UNC79: variants seen among roughly 807,000 people sequenced by gnomAD.
The protein encoded by UNC79 is unc-79 subunit of NALCN channel complex, also known as protein unc-79 homolog.
Under a neutral mutation model 283.1 loss-of-function variants are expected in UNC79, and 37 were observed. That is an observed-to-expected ratio of 0.13 (90% CI 0.10 to 0.17). The LOEUF (loss-of-function observed/expected upper bound fraction) is 0.17, where lower values mean the gene tolerates loss of function less well. UNC79 is among the 10% of genes least tolerant of loss of function. UNC79 has a pLI of 1.00. For synonymous variants in UNC79, 1,107 were observed against 1,200.2 expected (o/e 0.92, Z 1.61); for missense variants, 2,272 against 3,211.1 (o/e 0.71, Z 7.07).
chr14:93,387,371 T>C (rs2054799662), intron 1 of UNC79, among the ~76,000 whole-genome samples: 1 of 152,168 alleles, frequency 6.6e-6, no homozygotes, highest in Non-Finnish European at 1.5e-5. Flanking sequence ...AATGTAAACA[T>C]GTATAGTTAT....
intron 22 of UNC79, among the ~76,000 whole-genome samples, chr14:93,591,140 A>G (rs565883668): frequency 1.3e-5 from 2 of 152,330 alleles, no homozygotes; most frequent in Admixed American, 1.3e-4. Context: ...TGGCATTTAA[A>G]AAATCACTCC....
intron 7 of UNC79, among the ~76,000 whole-genome samples, chr14:93,517,964 G>A (rs73345868): frequency 0.012 from 1,841 of 151,274 alleles, 34 homozygotes; most frequent in African/African-American, 0.042. Context: ...GCATTCTTGG[G>A]ATGAACTCAT....
At chr14:93,634,486 A>G in intron 31 of UNC79, 35 bp from the exon 34 acceptor site, 1 of 1,480,558 alleles carries the variant, frequency 6.8e-7, no homozygotes, top group Non-Finnish European at 9.4e-7. Context: ...GTGGAAATTT[A>G]TTATTATAAT....
rs543210504 is a variant in UNC79, at chr14:93,366,453, T to C, written c.-351+32930T>C. On this transcript the variant is annotated intron_variant, in intron 1 of 49. Transcript: ENST00000256339. ...CTATGGATGTGGGAAAACTCAAGTC[T>C]TGCTAAGCTTTTATTATTTTATATA... is the stretch of plus-strand genomic sequence containing the variant. Among the ~76,000 whole-genome samples the C allele has an allele frequency of 7.2e-5, 11 of 152,328 alleles. No individual in the cohort carries two copies. In the East Asian group the frequency reaches 2.1e-3, roughly 29 times the overall value.
At chr14:93,638,472 C>T (rs971915507) in intron 32 of UNC79, among the ~76,000 whole-genome samples, 11 of 152,190 alleles carry the variant, frequency 7.2e-5, no homozygotes, top group Non-Finnish European at 1.2e-4. Context: ...AAGTCAGTCT[C>T]TTTCATGGTA....
At chr14:93,595,682 C>T (rs1004035657) in intron 23 of UNC79, among the ~76,000 whole-genome samples, 1 of 152,170 alleles carries the variant, frequency 6.6e-6, no homozygotes, top group Non-Finnish European at 1.5e-5. Flanking sequence ...CATTGAGGTC[C>T]ACCTTCTAGG....
intron 1 of UNC79, chr14:93,348,229 A>AT: frequency 1.5e-6 from 1 of 686,306 alleles, no homozygotes; most frequent in Non-Finnish European, 2.7e-6. Flanking sequence ...CCATTGTGGT[A>AT]TTCACTTTCC....
chr14:93,507,689 A>C (rs142248078), intron 7 of UNC79, among the ~76,000 whole-genome samples: 2 of 152,228 alleles, frequency 1.3e-5, no homozygotes, highest in East Asian at 1.9e-4. Context: ...AACAGTGTCT[A>C]TTTTGATGAG....
At chr14:93,444,893 A>G (rs1165558697) in intron 1 of UNC79, among the ~76,000 whole-genome samples, 2 of 152,182 alleles carry the variant, frequency 1.3e-5, no homozygotes, top group Non-Finnish European at 2.9e-5. Flanking sequence ...TTTGCTTCCA[A>G]GGAAGCTTAT....
chr14:93,687,809 T>C (rs2140904916), intron 43 of UNC79, among the ~76,000 whole-genome samples: 1 of 152,280 alleles, frequency 6.6e-6, no homozygotes, highest in Non-Finnish European at 1.5e-5. Flanking sequence ...AAACAATTAT[T>C]ACCTAAACAT....
At chr14:93,689,954 A>G in intron 44 of UNC79, 163 bp from the exon 48 acceptor site, 1 of 693,432 alleles carries the variant, frequency 1.4e-6, no homozygotes, top group South Asian at 2.0e-5. Flanking sequence ...AAACAAGAAA[A>G]ACAGATATAT....
chr14:93,477,667 T>C (rs1279128495), exon 4 of UNC79: 1 of 1,613,532 alleles, frequency 6.2e-7, no homozygotes, highest in South Asian at 1.1e-5. Flanking sequence ...CTACCTTTCC[T>C]CCATTTCTGC....
intron 35 of UNC79, among the ~76,000 whole-genome samples, chr14:93,651,986 T>C (rs2070333314): frequency 7.3e-6 from 1 of 136,400 alleles, no homozygotes; most frequent in African/African-American, 2.7e-5. Context: ...GGTCTGGAAC[T>C]CCTGACCTCA....
rs1483930207 is a variant in UNC79, at chr14:93,586,452, G to A, written c.2804-144G>A. Reference sequence around the variant, plus strand: ...TCATAGCAGGGATATATGCTAATGTGGAGAGCAGATAAAAAGTTTTCTCAA... The same window carrying A: ...TCATAGCAGGGATATATGCTAATGTAGAGAGCAGATAAAAAGTTTTCTCAA... On this transcript the variant is annotated intron_variant, in intron 20 of 48. Coordinates refer to ENST00000555664, the Ensembl canonical transcript of UNC79. 4.6e-6 allele frequency: 3 copies of A among 646,024 alleles called. No individual in the cohort carries two copies. The African/African-American group carries it at 5.5e-5, about 12-fold the overall frequency. 40.0% of individuals were successfully genotyped at this position (646,024 alleles called of 1,614,324 possible).
chr14:93,607,695 G>A (rs1276859317), intron 26 of UNC79, among the ~76,000 whole-genome samples: 5 of 152,150 alleles, frequency 3.3e-5, no homozygotes, highest in African/African-American at 1.2e-4. Flanking sequence ...TGGGACTCGC[G>A]TACTCCAAGT....
intron 30 of UNC79, among the ~76,000 whole-genome samples, chr14:93,627,005 C>T (rs185365139): frequency 1.3e-4 from 20 of 152,248 alleles, no homozygotes; most frequent in Non-Finnish European, 2.1e-4. Context: ...GCTATGATTG[C>T]ACTTGTGAAT....
chr14:93,432,240 T>A (rs1036437668), intron 1 of UNC79, among the ~76,000 whole-genome samples: 3 of 152,226 alleles, frequency 2.0e-5, no homozygotes, highest in African/African-American at 7.2e-5. Context: ...ACTGAAGGCT[T>A]ATAGAATTCT....
upstream of UNC79, among the ~76,000 whole-genome samples, chr14:93,427,293 T>G (rs975362712): frequency 1.8e-4 from 27 of 152,176 alleles, no homozygotes; most frequent in Non-Finnish European, 4.4e-5. Context: ...TATTGGAGTC[T>G]TTAATCACTA....
intron 30 of UNC79, among the ~76,000 whole-genome samples, chr14:93,625,087 T>C (rs2067453226): frequency 6.6e-6 from 1 of 152,208 alleles, no homozygotes; most frequent in Non-Finnish European, 1.5e-5. Context: ...TCCTAGGAAA[T>C]TCATGGTCCT....
Sources: gnomAD v4.1 joint callset for allele counts (sites outside exome capture counted in the v4.1 genomes callset) on GRCh38, gnomAD v4.1.1 for gene constraint, MANE v1.5 for transcripts, NCBI Gene and HGNC (gene_info 2026-07-23, HGNC 2026-07-21) for gene names.